ULK2: variants seen among roughly 807,000 people sequenced by gnomAD.
ULK2 encodes the protein serine/threonine-protein kinase ULK2.
ULK2 carries 76 observed loss-of-function variants against 127.5 expected under a neutral mutation model. The ratio of observed to expected loss-of-function variants is 0.60; its 90% CI spans 0.50 to 0.72. The LOEUF is 0.72. Ranked by LOEUF, ULK2 falls within the 30% of genes least tolerant of loss-of-function variation. The pLI is 0.00. For synonymous variants in ULK2, 452 were observed against 461.9 expected (o/e 0.98, Z 0.28); for missense variants, 1,144 against 1,295.9 (o/e 0.88, Z 1.80).
intron 12 of ULK2, among the ~76,000 whole-genome samples, chr17:19,820,062 T>G (rs1486898537): frequency 6.6e-6 from 1 of 151,296 alleles, no homozygotes; most frequent in Non-Finnish European, 1.5e-5. Flanking sequence ...TATTTTTTTT[T>G]TTTTTGAGAT....
chr17:19,855,903 T>C (rs2042116747), intron 3 of ULK2: 1 of 152,136 alleles, frequency 6.6e-6, no homozygotes, highest in Non-Finnish European at 1.5e-5. Context: ...TAATCACAGC[T>C]ACTCAGGAGG....
intron 9 of ULK2, among the ~76,000 whole-genome samples, chr17:19,839,051 A>G (rs1412502961): frequency 2.0e-5 from 3 of 151,844 alleles, no homozygotes; most frequent in Admixed American, 6.6e-5. Context: ...AAAGAAGGAA[A>G]AAAAGCACTA....
chr17:19,796,106 T>C lies in ULK2; in HGVS notation c.1986A>G (p.Ala662=), dbSNP rs1386516815. Residue 662 remains alanine (A), a synonymous_variant, in exon 19 of 27, where the codon GCA becomes GCG. Transcript: ENST00000395544. ...ERQRAEQQSK[A]VFGRSVSTGK... ...AAACAGTCTTTTACCTGCCAAACAC[T>C]GCCTTGCTCTGCTGCTCGGCCCGCT... 2 of 1,609,244 alleles carry C rather than the reference T, an allele frequency of 1.2e-6. No homozygotes were observed. Among genetic ancestry groups the C allele is most frequent in the Non-Finnish European group, 1.7e-6 (2 of 1,178,544 alleles).
At chr17:19,863,847 C>T (rs2042296245) in intron 3 of ULK2, among the ~76,000 whole-genome samples, 1 of 152,130 alleles carries the variant, frequency 6.6e-6, no homozygotes, top group African/African-American at 2.4e-5. Flanking sequence ...AACCTACTTC[C>T]CATTCCAAAT....
chr17:19,811,252 G>A (rs1351149154), intron 13 of ULK2: 4 of 151,878 alleles, frequency 2.6e-5, no homozygotes, highest in African/African-American at 9.7e-5. Flanking sequence ...GAAGAGGCAG[G>A]GATAAAATCT....
chr17:19,775,697 T>C lies in ULK2; in HGVS notation c.*652A>G, dbSNP rs2086801334. The C allele has an allele frequency of 6.6e-6, 1 of 152,610 alleles. No individual in the cohort carries two copies. The highest frequency in any genetic ancestry group is 2.1e-4 in the South Asian group (1 of 4,826). The allele number at this position is 152,610 out of a possible 1,614,324, so 9.5% of individuals were successfully genotyped here. A position where few individuals can be genotyped will look rare whatever the true frequency, so the allele number is the denominator to read the frequency against. ...AATCAAGTAAAATATTTTAAACAAG[T>C]CCATTGTGCCTTAGTTAAATTACAA... On this transcript the variant is annotated 3_prime_UTR_variant, in exon 27 of 27. Transcript: ENST00000395544.
chr17:19,855,445 C>T (rs2042105477), intron 3 of ULK2, among the ~76,000 whole-genome samples: 1 of 148,008 alleles, frequency 6.8e-6, no homozygotes, highest in Admixed American at 6.7e-5. Flanking sequence ...ACTAAAAATA[C>T]AATAATTAGC....
At chr17:19,809,732 C>CGAAAAAA (rs750626905) in intron 14 of ULK2, among the ~76,000 whole-genome samples, 1 of 90,500 alleles carries the variant, frequency 1.1e-5, no homozygotes. Flanking sequence ...GACTCCGTCT[C>CGAAAAAA]AAAAAAAAAA....
intron 3 of ULK2, among the ~76,000 whole-genome samples, chr17:19,864,528 T>C (rs1360228160): frequency 6.6e-6 from 1 of 152,140 alleles, no homozygotes; most frequent in Non-Finnish European, 1.5e-5. Context: ...CAGAGAATGC[T>C]AGATCTGGTA....
At chr17:19,863,430 T>C (rs975668592) in intron 3 of ULK2, among the ~76,000 whole-genome samples, 2 of 151,800 alleles carry the variant, frequency 1.3e-5, no homozygotes, top group Non-Finnish European at 2.9e-5. Context: ...GAATCTGCTA[T>C]TCCCTCTGGG....
chr17:19,845,505 ACTGTC>A, intron 6 of ULK2, 128 bp from the exon 7 acceptor site: 1 of 643,642 alleles, frequency 1.6e-6, no homozygotes, highest in South Asian at 2.2e-5. Context: ...ATTGAATTAG[ACTGTC>A]CACCAAAAAA....
chr17:19,856,690 C>T (rs193060947), intron 3 of ULK2, among the ~76,000 whole-genome samples: 69 of 147,190 alleles, frequency 4.7e-4, no homozygotes, highest in Admixed American at 3.2e-3. Context: ...ACGAGTTTTA[C>T]GGCCGGGTGC....
At chr17:19,845,065 A>G (rs1351411130) in intron 7 of ULK2, among the ~76,000 whole-genome samples, 1 of 152,202 alleles carries the variant, frequency 6.6e-6, no homozygotes, top group African/African-American at 2.4e-5. Context: ...GATTTGTCTC[A>G]TAACTAATCT....
At chr17:19,828,359 A>C (rs1427024257) in intron 10 of ULK2, among the ~76,000 whole-genome samples, 1 of 152,240 alleles carries the variant, frequency 6.6e-6, no homozygotes. Context: ...GCAATTTAAA[A>C]TCCAATAGTA....
chr17:19,813,123 T>C lies in ULK2; in HGVS notation c.1097-2685A>G, dbSNP rs549727846. 2.0e-5 allele frequency among the ~76,000 whole-genome samples: 3 copies of C among 152,286 alleles called. No homozygotes were observed. In the East Asian group the frequency reaches 5.8e-4, roughly 29 times the overall value. On this transcript the variant is annotated intron_variant, in intron 13 of 26. Coordinates refer to ENST00000395544, the MANE Select transcript of ULK2 (RefSeq NM_014683.4). Reference sequence around the variant, plus strand: ...TCCAGATAATATCAGGTTTATACTCTTCAGGCAAAAGATTGGATGAGTCTT... The same window carrying C: ...TCCAGATAATATCAGGTTTATACTCCTCAGGCAAAAGATTGGATGAGTCTT...
chr17:19,819,131 T>C (rs976135468), intron 12 of ULK2, among the ~76,000 whole-genome samples: 7 of 152,190 alleles, frequency 4.6e-5, no homozygotes, highest in African/African-American at 1.7e-4. Flanking sequence ...GACTCAAATG[T>C]GTCACATCCT....
chr17:19,823,042 C>A (rs577639964), intron 12 of ULK2, among the ~76,000 whole-genome samples: 7 of 149,502 alleles, frequency 4.7e-5, no homozygotes, highest in African/African-American at 1.7e-4. Flanking sequence ...CCCAGTCTGG[C>A]CTTGAACTCC....
At position 19,772,186 on chromosome 17, in the gene ULK2, G is replaced by C. The variant is rs566573877; in HGVS notation, c.*4163C>G. On this transcript the variant is annotated 3_prime_UTR_variant, in exon 27 of 27. Coordinates refer to ENST00000395544, the MANE Select transcript of ULK2 (RefSeq NM_014683.4). The stretch of plus-strand genomic sequence containing the variant: ...TCTGCTCCTTTCCCTAGTACAGTTT[G>C]ATCTCTGAATTCACTTTGATCTTTT... 7 of 152,382 alleles carry C rather than the reference G, an allele frequency of 4.6e-5. No individual in the cohort carries two copies. Among genetic ancestry groups the C allele is most frequent in the Admixed American group, 2.0e-4 (3 of 15,302 alleles). 9.4% of individuals were successfully genotyped at this position (152,382 alleles called of 1,614,324 possible). A position where few individuals can be genotyped will look rare whatever the true frequency, so the allele number is the denominator to read the frequency against.
intron 10 of ULK2, among the ~76,000 whole-genome samples, chr17:19,837,100 A>G (rs997314411): frequency 2.8e-5 from 4 of 142,598 alleles, no homozygotes; most frequent in Admixed American, 1.4e-4. Flanking sequence ...CTAATAAAAG[A>G]AAAAAAAAAA....
Sources: gnomAD v4.1 joint callset for allele counts (sites outside exome capture counted in the v4.1 genomes callset) on GRCh38, gnomAD v4.1.1 for gene constraint, MANE v1.5 for transcripts, NCBI Gene and HGNC (gene_info 2026-07-23, HGNC 2026-07-21) for gene names.